ZMYM1: variants seen among roughly 807,000 people sequenced by gnomAD.
The protein encoded by ZMYM1 is zinc finger MYM-type containing 1.
A neutral mutation model predicts 60.0 loss-of-function variants in ZMYM1; 39 were observed. The ratio of observed to expected loss-of-function variants is 0.65; its 90% CI spans 0.50 to 0.85. The LOEUF is 0.85. Among genes scored for constraint, ZMYM1 ranks in the 40% least tolerant of loss-of-function variants. ZMYM1 has a pLI of 0.00. For synonymous variants in ZMYM1, 413 were observed against 454.0 expected (o/e 0.91, Z 1.15); for missense variants, 1,171 against 1,309.5 (o/e 0.89, Z 1.63).
At position 35,113,912 on chromosome 1, in the gene ZMYM1, T is replaced by G; in HGVS notation, c.2082T>G (p.His694Gln). 6.2e-7 allele frequency: 1 copy of G among 1,613,908 alleles called. No homozygotes were observed. Residue 694 changes from histidine to glutamine, a missense_variant, in exon 10 of 10, where the codon CAT becomes CAG. Transcript: ENST00000359858. The part of the protein sequence containing the change: ...DTEEMTGTHL[H>Q]RTIKTYLQQI... ...AGGAGATGACTGGGACCCACTTACA[T>G]AGGACTATCAAAACTTATCTGCAGC...
intron 1 of ZMYM1, among the ~76,000 whole-genome samples, chr1:35,069,359 C>T (rs112314166): frequency 0.048 from 7,293 of 152,088 alleles, 507 homozygotes; most frequent in African/African-American, 0.16. Context: ...AGTATTTTTT[C>T]GTGTACCTGT....
chr1:35,080,314 CT>C (rs35214559), intron 1 of ZMYM1, among the ~76,000 whole-genome samples: 195 of 125,506 alleles, frequency 1.6e-3, no homozygotes, highest in Admixed American at 3.4e-3. Flanking sequence ...ATTTGTGCTT[CT>C]TTTTTTTTTT....
intron 4 of ZMYM1, among the ~76,000 whole-genome samples, chr1:35,098,911 C>T (rs1036958357): frequency 6.6e-6 from 1 of 152,118 alleles, no homozygotes; most frequent in Non-Finnish European, 1.5e-5. Flanking sequence ...AATGCACTTT[C>T]TCAGGTCTTA....
intron 6 of ZMYM1, among the ~76,000 whole-genome samples, chr1:35,108,788 G>A (rs1643985748): frequency 6.7e-6 from 1 of 149,586 alleles, no homozygotes; most frequent in South Asian, 2.1e-4. Flanking sequence ...AAAGCTCACT[G>A]GAGGCCCAAC....
chr1:35,112,962 C>T lies in ZMYM1; in HGVS notation c.1147-15C>T, dbSNP rs1240510064. On this transcript the variant is annotated splice_polypyrimidine_tract_variant and intron_variant, in intron 9 of 9. Coordinates refer to ENST00000359858, the MANE Select transcript of ZMYM1 (RefSeq NM_024772.5). ...TGAAAACTGTTAAATGTTCTTTTCT[C>T]ATTTTCTCCCAAAGCTTTCTAAGAG... 1 of 1,501,966 alleles carries T rather than the reference C, an allele frequency of 6.7e-7. No individual in the cohort carries two copies. Among genetic ancestry groups the T allele is most frequent in the Non-Finnish European group, 8.9e-7 (1 of 1,127,428 alleles). The allele number at this position is 1,501,966 out of a possible 1,614,324, so 93.0% of individuals were successfully genotyped here. A position where few individuals can be genotyped will look rare whatever the true frequency, so the allele number is the denominator to read the frequency against.
downstream of ZMYM1, among the ~76,000 whole-genome samples, chr1:35,117,758 T>G (rs559426030): frequency 1.5e-4 from 23 of 151,790 alleles, no homozygotes; most frequent in African/African-American, 5.6e-4. Context: ...CTGACTAACA[T>G]GGAGAAACCC....
chr1:35,111,912 G>GGT lies in ZMYM1; in HGVS notation c.1102+1_1102+2dup. On this transcript the variant is annotated frameshift_variant and splice_region_variant. Transcript: ENST00000359858. LOFTEE classifies it high-confidence loss of function. ...CATCATGAACACTGATGTCTTACAA[G>GGT]GTAAAAGTTGATGTTAAGATATTTG... 6 of 1,581,596 alleles carry GGT rather than the reference G, an allele frequency of 3.8e-6. No homozygotes were observed. Among genetic ancestry groups the GGT allele is most frequent in the Non-Finnish European group, 5.2e-6 (6 of 1,162,528 alleles).
chr1:35,095,045 T>C (rs997472896), intron 2 of ZMYM1, among the ~76,000 whole-genome samples: 2 of 152,154 alleles, frequency 1.3e-5, no homozygotes, highest in Non-Finnish European at 2.9e-5. Context: ...CTAGGAACTA[T>C]CTATTGCTTC....
intron 4 of ZMYM1, among the ~76,000 whole-genome samples, chr1:35,102,905 A>G (rs984796332): frequency 2.6e-5 from 4 of 152,248 alleles, no homozygotes; most frequent in Admixed American, 6.5e-5. Context: ...GTACTTAAGG[A>G]TGAAGTTTAA....
At chr1:35,103,484 T>C (rs1312420875) in intron 4 of ZMYM1, among the ~76,000 whole-genome samples, 1 of 152,238 alleles carries the variant, frequency 6.6e-6, no homozygotes, top group Non-Finnish European at 1.5e-5. Flanking sequence ...CAGTACTTTA[T>C]TCTTTTTGTT....
rs1232434567 is a variant in ZMYM1 at position 35,115,154 on chromosome 1, C to T, written c.3324C>T (p.Gly1108=). The T allele has an allele frequency of 6.2e-7, 1 of 1,614,060 alleles. No individual in the cohort carries two copies. The highest frequency in any genetic ancestry group is 2.2e-5 in the East Asian group (1 of 44,870). Residue 1108 remains glycine (G), a synonymous_variant, in exon 10 of 10, where the codon GGC becomes GGT. Coordinates refer to ENST00000359858, the MANE Select transcript of ZMYM1 (RefSeq NM_024772.5). ...CNTMGQEKLT[G]PALMAVEQEL... ...CCATGGGACAAGAGAAGCTTACTGG[C>T]CCAGCCCTAATGGCTGTTGAGCAGG...
upstream of ZMYM1, among the ~76,000 whole-genome samples, chr1:35,077,235 G>A (rs748747682): frequency 4.2e-4 from 64 of 152,088 alleles, no homozygotes; most frequent in Non-Finnish European, 1.8e-4. Flanking sequence ...AAGGAAGTTA[G>A]TAATGACGAT....
intron 6 of ZMYM1, among the ~76,000 whole-genome samples, chr1:35,105,457 G>A (rs1271173259): frequency 4.6e-5 from 7 of 151,254 alleles, no homozygotes; most frequent in Non-Finnish European, 8.8e-5. Context: ...TTTTTGAGAC[G>A]GAGTCTCGCT....
At chr1:35,061,645 AG>A (rs1641878976) in intron 1 of ZMYM1, among the ~76,000 whole-genome samples, 1 of 151,350 alleles carries the variant, frequency 6.6e-6, no homozygotes, top group South Asian at 2.1e-4. Flanking sequence ...GCATGGTGGC[AG>A]GCGCCTGTAG....
intron 1 of ZMYM1, among the ~76,000 whole-genome samples, chr1:35,088,442 ATATATATATATATGTG>A (rs1331535598): frequency 3.7e-5 from 4 of 108,918 alleles, no homozygotes; most frequent in African/African-American, 1.2e-4. Flanking sequence ...GTGTATATAT[ATATATATATATATGTG>A]TGTGTGTGTG....
chr1:35,090,508 A>T (rs1300952766), intron 1 of ZMYM1, among the ~76,000 whole-genome samples: 1 of 152,200 alleles, frequency 6.6e-6, no homozygotes, highest in East Asian at 1.9e-4. Context: ...CACGTTCTGC[A>T]CATACACCCC....
At chr1:35,099,881 G>GTTTGT (rs1180403642) in intron 4 of ZMYM1, among the ~76,000 whole-genome samples, 3 of 151,820 alleles carry the variant, frequency 2.0e-5, no homozygotes, top group Non-Finnish European at 2.9e-5. Flanking sequence ...TTGTTTGTTT[G>GTTTGT]TTTGTTTTGT....
At chr1:35,059,796 T>C (rs1249408075) in exon 1 of ZMYM1, 1 of 152,206 alleles carries the variant, frequency 6.6e-6, no homozygotes, top group African/African-American at 2.4e-5. Context: ...AGCATTCTTA[T>C]AGGAGTCTCC....
At chr1:35,071,090 T>C (rs1642059646) in intron 1 of ZMYM1, among the ~76,000 whole-genome samples, 2 of 152,128 alleles carry the variant, frequency 1.3e-5, no homozygotes, top group South Asian at 4.1e-4. Context: ...TTTCGCCATG[T>C]TGGCCAGGCT....
Sources: allele counts gnomAD v4.1 joint callset (sites outside exome capture counted in the v4.1 genomes callset), GRCh38; gene constraint gnomAD v4.1.1; transcripts MANE v1.5; gene names NCBI Gene and HGNC (gene_info 2026-07-23, HGNC 2026-07-21).